Variants in OR9Q1 observed in about 807,000 individuals in gnomAD.
OR9Q1 encodes olfactory receptor 9Q1.
For synonymous variants in OR9Q1, 153 were observed against 148.6 expected, an observed-to-expected ratio of 1.03 and a Z score of -0.22; for missense variants, 374 against 378.8, an observed-to-expected ratio of 0.99 and a Z score of 0.11.
At chr11:58,125,108 G>A (rs1281776056) in intron 2 of OR9Q1, among the ~76,000 whole-genome samples, 2 of 152,008 alleles carry the variant, frequency 1.3e-5, no homozygotes, top group African/African-American at 4.8e-5. Context: ...TCATTTACAG[G>A]AAAATATCTT....
At chr11:58,172,808 T>C (rs894936790) in intron 2 of OR9Q1, among the ~76,000 whole-genome samples, 8 of 152,216 alleles carry the variant, frequency 5.3e-5, no homozygotes, top group Non-Finnish European at 1.2e-4. Flanking sequence ...ATTTATTCTT[T>C]GTGTTACAAA....
At chr11:58,036,262 G>A (rs1343207428) in intron 1 of OR9Q1, among the ~76,000 whole-genome samples, 2 of 152,130 alleles carry the variant, frequency 1.3e-5, no homozygotes, top group African/African-American at 4.8e-5. Context: ...TTACAGCATG[G>A]TTTACTGAAT....
At chr11:58,101,871 C>T (rs571621582) in intron 2 of OR9Q1, among the ~76,000 whole-genome samples, 7 of 152,212 alleles carry the variant, frequency 4.6e-5, no homozygotes, top group South Asian at 2.1e-4. Flanking sequence ...CTCAGCCTCC[C>T]GAGTAGCTGG....
At chr11:58,024,585 G>T (rs1368470639) in intron 1 of OR9Q1, among the ~76,000 whole-genome samples, 12 of 152,134 alleles carry the variant, frequency 7.9e-5, no homozygotes, top group Non-Finnish European at 1.8e-4. Flanking sequence ...GAAAATCTTG[G>T]CCAGGGAGCA....
intron 1 of OR9Q1, among the ~76,000 whole-genome samples, chr11:58,045,939 A>G (rs1853212208): frequency 6.6e-6 from 1 of 152,182 alleles, no homozygotes; most frequent in Admixed American, 6.5e-5. Context: ...CCCCTGCCCC[A>G]CTGGATGCCA....
At chr11:58,102,091 G>A (rs947016035) in intron 2 of OR9Q1, among the ~76,000 whole-genome samples, 1 of 152,032 alleles carries the variant, frequency 6.6e-6, no homozygotes, top group Non-Finnish European at 1.5e-5. Flanking sequence ...TTAAGTCTTT[G>A]ATCCATAGAC....
chr11:58,058,184 C>T (rs1485115100), intron 2 of OR9Q1, among the ~76,000 whole-genome samples: 1 of 152,196 alleles, frequency 6.6e-6, no homozygotes, highest in Non-Finnish European at 1.5e-5. Context: ...GGAATGGTCC[C>T]TCTCTCTCAG....
At chr11:58,060,552 C>T (rs1319450386) in intron 2 of OR9Q1, among the ~76,000 whole-genome samples, 1 of 152,050 alleles carries the variant, frequency 6.6e-6, no homozygotes, top group Non-Finnish European at 1.5e-5. Flanking sequence ...GTGGGCAGAC[C>T]TAGTGGGTGC....
chr11:58,117,345 C>T lies in OR9Q1; in HGVS notation c.-15+61398C>T, dbSNP rs572075617. The T allele has an allele frequency of 2.0e-5, 3 of 152,248 alleles. No individual in the cohort carries two copies. In the East Asian group the frequency reaches 5.8e-4, roughly 29 times the overall value. 9.4% of individuals were successfully genotyped at this position (152,248 alleles called of 1,614,324 possible). A position where few individuals can be genotyped will look rare whatever the true frequency, so the allele number is the denominator to read the frequency against. ...ATTCTGATTCAAGCCTGACTCCATC[C>T]CTTGTCTACTGCTGTATACTCCGAG... is the stretch of plus-strand genomic sequence containing the variant. On this transcript the variant is annotated intron_variant, in intron 2 of 2. Coordinates refer to ENST00000335397, the MANE Select transcript of OR9Q1 (RefSeq NM_001005212.4).
At chr11:58,137,623 T>G (rs1326496364) in intron 2 of OR9Q1, among the ~76,000 whole-genome samples, 2 of 152,202 alleles carry the variant, frequency 1.3e-5, no homozygotes, top group Non-Finnish European at 2.9e-5. Context: ...TATTAATAAC[T>G]TTCATCATTT....
At chr11:58,129,734 C>T (rs1386020982) in intron 2 of OR9Q1, among the ~76,000 whole-genome samples, 3 of 152,168 alleles carry the variant, frequency 2.0e-5, no homozygotes, top group Non-Finnish European at 2.9e-5. Context: ...CCAGAAGTTC[C>T]CTTTCTCTGT....
At chr11:58,071,060 A>G (rs765227630) in intron 2 of OR9Q1, among the ~76,000 whole-genome samples, 30 of 152,160 alleles carry the variant, frequency 2.0e-4, no homozygotes, top group Non-Finnish European at 3.8e-4. Flanking sequence ...AACTTCTTTT[A>G]TTTCCAGGGG....
At chr11:58,138,595 C>A (rs1854211334) in intron 2 of OR9Q1, among the ~76,000 whole-genome samples, 1 of 152,176 alleles carries the variant, frequency 6.6e-6, no homozygotes, top group Non-Finnish European at 1.5e-5. Flanking sequence ...TTTTTCTTCT[C>A]ATAGCACAGC....
intron 2 of OR9Q1, among the ~76,000 whole-genome samples, chr11:58,069,898 C>T (rs892276075): frequency 6.6e-6 from 1 of 151,874 alleles, no homozygotes; most frequent in East Asian, 1.9e-4. Flanking sequence ...CCAAACCAAA[C>T]CAAAACAAAA....
intron 1 of OR9Q1, among the ~76,000 whole-genome samples, chr11:58,027,408 C>A (rs978754162): frequency 2.0e-5 from 3 of 152,172 alleles, no homozygotes; most frequent in South Asian, 2.1e-4. Flanking sequence ...TGGTCCAAAT[C>A]CAGCTTGTAG....
intron 2 of OR9Q1, among the ~76,000 whole-genome samples, chr11:58,079,822 A>G (rs914262211): frequency 1.3e-5 from 2 of 152,180 alleles, no homozygotes; most frequent in Non-Finnish European, 2.9e-5. Context: ...GCAGAGAACT[A>G]CAGGCAAATG....
In OR9Q1 at chr11:58,181,519, T is replaced by G. The variant is rs1192124180; in HGVS notation, c.*1142T>G. 1 of 164,618 alleles carries G rather than the reference T, an allele frequency of 6.1e-6. No homozygotes were observed. Among genetic ancestry groups the G allele is most frequent in the Non-Finnish European group, 1.5e-5 (1 of 67,910 alleles). 10.2% of individuals were successfully genotyped at this position (164,618 alleles called of 1,614,324 possible). On this transcript the variant is annotated 3_prime_UTR_variant, in exon 3 of 3. Transcript: ENST00000335397. ...TTAATTTTTTTTCATTTAAACAAAT[T>G]TTTATACCTGGAACTCAAACTTCTT...
intron 2 of OR9Q1, among the ~76,000 whole-genome samples, chr11:58,101,428 ATCT>A (rs2120086659): frequency 6.6e-6 from 1 of 152,224 alleles, no homozygotes; most frequent in African/African-American, 2.4e-5. Context: ...CTATTTGTAT[ATCT>A]TCTTTTGAGA....
chr11:58,165,932 G>A (rs1854500409), intron 2 of OR9Q1, among the ~76,000 whole-genome samples: 1 of 152,166 alleles, frequency 6.6e-6, no homozygotes, highest in South Asian at 2.1e-4. Flanking sequence ...TTCAGCACAG[G>A]AAAATGATAA....
Sources: allele counts gnomAD v4.1 joint callset (sites outside exome capture counted in the v4.1 genomes callset), GRCh38; gene constraint gnomAD v4.1.1; transcripts MANE v1.5; gene names NCBI Gene and HGNC (gene_info 2026-07-23, HGNC 2026-07-21).